The following CSMD1 variants were observed in gnomAD, a reference collection of about 807,000 sequenced individuals.
CSMD1 encodes the protein CUB and Sushi multiple domains 1.
A neutral mutation model predicts 417.5 loss-of-function variants in CSMD1; 213 were observed. The observed-to-expected ratio is 0.51, with a 90% CI of 0.46 to 0.57. The LOEUF is 0.57. CSMD1 is among the 20% of genes least tolerant of loss of function. The probability of loss-of-function intolerance (pLI) is 0.00; values close to 1 mark genes in which losing one functional copy is unlikely to be tolerated. For missense variants in CSMD1, 6,923 were observed against 4,529.7 expected, an observed-to-expected ratio of 1.53 and a Z score of -15.17; for synonymous variants, 2,862 against 1,736.8, an observed-to-expected ratio of 1.65 and a Z score of -16.11.
intron 1 of CSMD1, among the ~76,000 whole-genome samples, chr8:4,933,332 C>A (rs147853703): frequency 6.6e-6 from 1 of 152,096 alleles, no homozygotes; most frequent in Non-Finnish European, 1.5e-5. Flanking sequence ...ATTAATATGC[C>A]GTTTAAATAT....
At chr8:4,930,914 C>T (rs529152038) in intron 1 of CSMD1, among the ~76,000 whole-genome samples, 32 of 152,282 alleles carry the variant, frequency 2.1e-4, no homozygotes, top group Middle Eastern at 6.8e-3. Flanking sequence ...CACCATCTAA[C>T]ACAGTGGTTG....
chr8:3,634,846 C>A (rs1342505431), intron 7 of CSMD1, among the ~76,000 whole-genome samples: 1 of 152,120 alleles, frequency 6.6e-6, no homozygotes, highest in African/African-American at 2.4e-5. Flanking sequence ...GCAAACATCA[C>A]ACAGTGCACT....
intron 23 of CSMD1, among the ~76,000 whole-genome samples, chr8:3,340,316 C>T (rs1414612144): frequency 1.3e-5 from 2 of 152,112 alleles, no homozygotes; most frequent in South Asian, 2.1e-4. Flanking sequence ...TGAAAGGTCC[C>T]TAAGTGTATG....
chr8:4,994,617 G>A lies in CSMD1; in HGVS notation c.-201C>T. The A allele has an allele frequency of 1.8e-6, 1 of 552,532 alleles. No homozygotes were observed. Among genetic ancestry groups the A allele is most frequent in the Non-Finnish European group, 3.2e-6 (1 of 309,022 alleles). The allele number at this position is 552,532 out of a possible 1,614,324, so 34.2% of individuals were successfully genotyped here. On this transcript the variant is annotated 5_prime_UTR_variant, in exon 1 of 70. Transcript: ENST00000635120. ...TCATAGCATCGGGTCCCGAGCCACT[G>A]CAGGGCTGAGCTGCTCCGAGCGCGG...
intron 5 of CSMD1, among the ~76,000 whole-genome samples, chr8:3,761,640 G>C (rs904029245): frequency 2.6e-5 from 4 of 151,320 alleles, no homozygotes; most frequent in African/African-American, 4.9e-5. Context: ...TGAGTATCTG[G>C]GATTATAGGC....
chr8:4,350,932 G>C (rs1801056748), intron 3 of CSMD1, among the ~76,000 whole-genome samples: 1 of 152,150 alleles, frequency 6.6e-6, no homozygotes, highest in African/African-American at 2.4e-5. Flanking sequence ...CGCCTTCCTT[G>C]ACACATACTT....
intron 3 of CSMD1, among the ~76,000 whole-genome samples, chr8:4,207,709 T>G (rs1197770877): frequency 3.9e-5 from 6 of 152,120 alleles, no homozygotes; most frequent in Admixed American, 1.3e-4. Context: ...ATTTTTCTGA[T>G]GAGTGTATTA....
intron 1 of CSMD1, among the ~76,000 whole-genome samples, chr8:4,944,276 TGTGA>T (rs1429909756): frequency 5.3e-5 from 8 of 152,334 alleles, no homozygotes; most frequent in Non-Finnish European, 8.8e-5. Flanking sequence ...GATTCTATAC[TGTGA>T]GTATTATGGA....
At chr8:4,388,873 G>A (rs1186016039) in intron 3 of CSMD1, among the ~76,000 whole-genome samples, 2 of 152,164 alleles carry the variant, frequency 1.3e-5, no homozygotes, top group East Asian at 1.9e-4. Flanking sequence ...GAAATCAGCT[G>A]AAACGTCTCC....
intron 3 of CSMD1, among the ~76,000 whole-genome samples, chr8:4,306,030 A>G (rs540199160): frequency 2.0e-5 from 3 of 152,294 alleles, no homozygotes; most frequent in Non-Finnish European, 4.4e-5. Flanking sequence ...CATTTGCTGT[A>G]ATTATATTAA....
intron 1 of CSMD1, among the ~76,000 whole-genome samples, chr8:4,957,911 G>A (rs184252079): frequency 3.0e-4 from 46 of 152,300 alleles, no homozygotes; most frequent in Non-Finnish European, 3.1e-4. Context: ...GTGTCTGTAA[G>A]GAGAAGTATT....
At chr8:4,564,472 T>A (rs1481350143) in intron 2 of CSMD1, among the ~76,000 whole-genome samples, 1 of 152,202 alleles carries the variant, frequency 6.6e-6, no homozygotes, top group African/African-American at 2.4e-5. Context: ...CTGATCCTGG[T>A]TCAGGGACAC....
rs78979103 is a variant in CSMD1, at chr8:3,668,935, G to A, written c.1009+39479C>T. 1.0e-3 allele frequency among the ~76,000 whole-genome samples: 152 copies of A among 152,258 alleles called. 2 individuals are homozygous for A. In the East Asian group the frequency reaches 0.027, roughly 27 times the overall value. On this transcript the variant is annotated intron_variant, in intron 7 of 69. Coordinates refer to ENST00000635120, the MANE Select transcript of CSMD1 (RefSeq NM_033225.6). The stretch of plus-strand genomic sequence containing the variant: ...CCTCAGCCATAGCTCTTTGAGAGGC[G>A]TGACAGAAACAGGAAAGATGGGGAG...
intron 6 of CSMD1, among the ~76,000 whole-genome samples, chr8:3,738,575 C>G (rs1479138059): frequency 6.6e-6 from 1 of 152,176 alleles, no homozygotes; most frequent in Non-Finnish European, 1.5e-5. Flanking sequence ...GCTCTGTGCT[C>G]TTGTCACGGG....
chr8:4,066,014 C>T (rs1799227300), intron 3 of CSMD1, among the ~76,000 whole-genome samples: 1 of 152,154 alleles, frequency 6.6e-6, no homozygotes, highest in Admixed American at 6.5e-5. Context: ...CCACGAATAT[C>T]CTTGGAGGAA....
intron 23 of CSMD1, among the ~76,000 whole-genome samples, chr8:3,317,765 T>C (rs926950716): frequency 6.6e-6 from 1 of 152,194 alleles, no homozygotes. Context: ...AAATTTTGTG[T>C]TTAGTAAAAT....
intron 3 of CSMD1, among the ~76,000 whole-genome samples, chr8:4,122,429 T>C (rs10780169): frequency 0.99 from 150,648 of 152,296 alleles, 74,535 homozygotes; most frequent in East Asian, 1. Flanking sequence ...AACAAACCTC[T>C]GACGCAGTTA....
At chr8:4,713,487 C>T (rs181502650) in intron 1 of CSMD1, among the ~76,000 whole-genome samples, 278 of 152,246 alleles carry the variant, frequency 1.8e-3, no homozygotes, top group Non-Finnish European at 2.4e-3. Context: ...CTGCCATCTC[C>T]GCCTCCCGGG....
intron 7 of CSMD1, among the ~76,000 whole-genome samples, chr8:3,701,444 G>T (rs1326206402): frequency 2.0e-5 from 3 of 151,994 alleles, no homozygotes; most frequent in African/African-American, 7.2e-5. Flanking sequence ...GCTGCTGGCG[G>T]TTATGGTGCT....
Sources: allele counts gnomAD v4.1 joint callset (sites outside exome capture counted in the v4.1 genomes callset), GRCh38; gene constraint gnomAD v4.1.1; transcripts MANE v1.5; gene names NCBI Gene and HGNC (gene_info 2026-07-23, HGNC 2026-07-21).